TRABD2B: variants seen among roughly 807,000 people sequenced by gnomAD.
TRABD2B encodes the protein metalloprotease TIKI2.
Under a neutral mutation model 40.1 loss-of-function variants are expected in TRABD2B, and 14 were observed. The observed-to-expected ratio is 0.35, with a 90% CI of 0.23 to 0.55. The LOEUF is 0.55. TRABD2B is among the 20% of genes least tolerant of loss of function. The pLI, the probability that TRABD2B is intolerant of heterozygous loss-of-function variation, is 0.90. For synonymous variants in TRABD2B, 263 were observed against 277.0 expected, an observed-to-expected ratio of 0.95 and a Z score of 0.50; for missense variants, 541 against 648.6, an observed-to-expected ratio of 0.83 and a Z score of 1.80.
chr1:47,950,639 G>GT (rs1356239274), intron 2 of TRABD2B, among the ~76,000 whole-genome samples: 1 of 152,232 alleles, frequency 6.6e-6, no homozygotes, highest in Non-Finnish European at 1.5e-5. Flanking sequence ...CACAAGGGAA[G>GT]TGAGAAGAGA....
chr1:47,910,755 G>A (rs898488274), intron 2 of TRABD2B, among the ~76,000 whole-genome samples: 3 of 152,172 alleles, frequency 2.0e-5, no homozygotes, highest in African/African-American at 7.2e-5. Context: ...ATCCTCATAT[G>A]GCATAGATTG....
At chr1:47,814,814 A>C (rs1349187878) in intron 2 of TRABD2B, among the ~76,000 whole-genome samples, 2 of 152,206 alleles carry the variant, frequency 1.3e-5, no homozygotes, top group Non-Finnish European at 2.9e-5. Context: ...AGCTGCGCAG[A>C]ACTTGGCCTC....
At chr1:47,969,118 G>A (rs998995820) in intron 2 of TRABD2B, among the ~76,000 whole-genome samples, 3 of 152,208 alleles carry the variant, frequency 2.0e-5, no homozygotes, top group South Asian at 2.1e-4. Context: ...TTAGGTCCTC[G>A]TTAACATAGG....
At chr1:47,876,387 C>T (rs752885546) in intron 2 of TRABD2B, among the ~76,000 whole-genome samples, 1 of 152,192 alleles carries the variant, frequency 6.6e-6, no homozygotes, top group Non-Finnish European at 1.5e-5. Flanking sequence ...AACCTGGGAA[C>T]CATAACTGTC....
Position 47,988,023 on chromosome 1 carries a change from C to T in TRABD2B, c.666+6011G>A, listed in dbSNP as rs116438760. 5.4e-3 allele frequency among the ~76,000 whole-genome samples: 824 copies of T among 152,146 alleles called. 9 individuals are homozygous for T. The highest frequency in any genetic ancestry group is 0.017 in the African/African-American group (725 of 41,484). On this transcript the variant is annotated intron_variant, in intron 2 of 6. Coordinates refer to ENST00000606738, the MANE Select transcript of TRABD2B (RefSeq NM_001194986.2). ...GGTCCTCCAGGGGTGTCTGGGGCCTCGGGGAAGGCTTGCTCCCTCTACTCT... is the reference window on the plus strand; with the variant it reads ...GGTCCTCCAGGGGTGTCTGGGGCCTTGGGGAAGGCTTGCTCCCTCTACTCT...
At chr1:47,845,210 A>G (rs1462508005) in intron 2 of TRABD2B, among the ~76,000 whole-genome samples, 1 of 152,138 alleles carries the variant, frequency 6.6e-6, no homozygotes, top group Non-Finnish European at 1.5e-5. Context: ...CACGTTATGG[A>G]AAGAGCATGT....
At chr1:47,829,772 TA>T (rs1367959115) in intron 2 of TRABD2B, among the ~76,000 whole-genome samples, 1 of 152,224 alleles carries the variant, frequency 6.6e-6, no homozygotes, top group Non-Finnish European at 1.5e-5. Context: ...TAGGACATTC[TA>T]AAAAATATTA....
intron 2 of TRABD2B, among the ~76,000 whole-genome samples, chr1:47,865,400 C>T (rs1181345410): frequency 6.6e-6 from 1 of 152,048 alleles, no homozygotes; most frequent in East Asian, 1.9e-4. Context: ...GACTGAACTT[C>T]CACCCAAACA....
intron 3 of TRABD2B, among the ~76,000 whole-genome samples, chr1:47,798,267 T>C (rs1569968997): frequency 6.6e-6 from 1 of 152,230 alleles, no homozygotes; most frequent in African/African-American, 2.4e-5. Context: ...TCCAGGTCGA[T>C]GGCTAGAGGA....
chr1:47,953,575 T>C (rs866584870), intron 2 of TRABD2B, among the ~76,000 whole-genome samples: 4 of 152,138 alleles, frequency 2.6e-5, no homozygotes, highest in South Asian at 2.1e-4. Context: ...GGGGTGGCCA[T>C]ACAATCAGGC....
chr1:47,768,848 T>G (rs115918303), intron 6 of TRABD2B, among the ~76,000 whole-genome samples: 2,069 of 152,308 alleles, frequency 0.014, 43 homozygotes, highest in African/African-American at 0.047. Flanking sequence ...GCTATACACG[T>G]GTTATGTTAT....
intron 2 of TRABD2B, among the ~76,000 whole-genome samples, chr1:47,993,476 C>A (rs1194918270): frequency 6.6e-6 from 1 of 152,204 alleles, no homozygotes; most frequent in Non-Finnish European, 1.5e-5. Flanking sequence ...CTGGCCTTAG[C>A]GAGGCGGTCC....
chr1:47,805,764 T>G (rs1176141552), intron 2 of TRABD2B, among the ~76,000 whole-genome samples: 1 of 152,170 alleles, frequency 6.6e-6, no homozygotes, highest in South Asian at 2.1e-4. Flanking sequence ...TCATGTTCAT[T>G]TATTTAATCT....
intron 3 of TRABD2B, among the ~76,000 whole-genome samples, chr1:47,796,538 A>G (rs1372513369): frequency 6.6e-6 from 1 of 152,218 alleles, no homozygotes; most frequent in East Asian, 1.9e-4. Flanking sequence ...GACTCTAAGG[A>G]GGCTAGGATA....
At chr1:47,931,580 C>CA (rs1173388252) in intron 2 of TRABD2B, among the ~76,000 whole-genome samples, 1 of 152,136 alleles carries the variant, frequency 6.6e-6, no homozygotes, top group African/African-American at 2.4e-5. Flanking sequence ...CCTGAGGTGC[C>CA]ACGTGAGAAG....
In TRABD2B at chr1:47,781,698, G is replaced by T. The variant is rs1034180171; in HGVS notation, c.989-3154C>A. ...CTTCCTTTCCCTCTGCCAGGGCAGG[G>T]AGAATGGTCACCTCCACCCAGGTGG... is the stretch of plus-strand genomic sequence containing the variant. On this transcript the variant is annotated intron_variant, in intron 4 of 6. Coordinates refer to ENST00000606738, the MANE Select transcript of TRABD2B (RefSeq NM_001194986.2). 2.9e-4 allele frequency among the ~76,000 whole-genome samples: 44 copies of T among 152,298 alleles called. 1 individual carries two copies. Among genetic ancestry groups the T allele is most frequent in the Non-Finnish European group, 2.9e-5 (2 of 68,022 alleles).
At chr1:47,951,988 G>T (rs1387026554) in intron 2 of TRABD2B, among the ~76,000 whole-genome samples, 1 of 152,210 alleles carries the variant, frequency 6.6e-6, no homozygotes, top group Non-Finnish European at 1.5e-5. Flanking sequence ...GGAGCTGGGA[G>T]TTCTGACCCC....
At chr1:47,924,762 T>G (rs1011172161) in intron 2 of TRABD2B, among the ~76,000 whole-genome samples, 4 of 152,168 alleles carry the variant, frequency 2.6e-5, no homozygotes, top group African/African-American at 9.7e-5. Context: ...TGCAGTCACT[T>G]CTCTCAGTGA....
At chr1:47,822,097 T>C (rs955384320) in intron 2 of TRABD2B, among the ~76,000 whole-genome samples, 1 of 152,064 alleles carries the variant, frequency 6.6e-6, no homozygotes, top group Admixed American at 6.6e-5. Flanking sequence ...GTACGTTTCA[T>C]GTACAGACAC....
Sources: gnomAD v4.1 joint callset for allele counts (sites outside exome capture counted in the v4.1 genomes callset) on GRCh38, gnomAD v4.1.1 for gene constraint, MANE v1.5 for transcripts, NCBI Gene and HGNC (gene_info 2026-07-23, HGNC 2026-07-21) for gene names.